ASCC3: variants seen among roughly 807,000 people sequenced by gnomAD.
ASCC3 encodes the protein activating signal cointegrator 1 complex subunit 3.
ASCC3 carries 158 observed loss-of-function variants against 256.3 expected under a neutral mutation model. The ratio of observed to expected loss-of-function variants is 0.62; its 90% CI spans 0.54 to 0.70. The LOEUF (loss-of-function observed/expected upper bound fraction) is 0.70, where lower values mean the gene tolerates loss of function less well. Ranked by LOEUF, ASCC3 falls within the 30% of genes least tolerant of loss-of-function variation. The probability of loss-of-function intolerance (pLI) is 0.00; values close to 1 mark genes in which losing one functional copy is unlikely to be tolerated. For synonymous variants in ASCC3, 948 were observed against 883.4 expected, an observed-to-expected ratio of 1.07 and a Z score of -1.30; for missense variants, 2,259 against 2,626.0, an observed-to-expected ratio of 0.86 and a Z score of 3.05.
At chr6:100,735,772 T>G (rs1381108953) in intron 10 of ASCC3, among the ~76,000 whole-genome samples, 1 of 152,154 alleles carries the variant, frequency 6.6e-6, no homozygotes, top group Non-Finnish European at 1.5e-5. Context: ...ATTATGCACT[T>G]TATATAAACA....
intron 37 of ASCC3, among the ~76,000 whole-genome samples, chr6:100,538,047 A>T (rs1775252819): frequency 6.6e-6 from 1 of 152,048 alleles, no homozygotes; most frequent in South Asian, 2.1e-4. Flanking sequence ...ATCATTATTG[A>T]CTGAGTGCTA....
chr6:100,848,417 G>A lies in ASCC3; in HGVS notation c.532C>T (p.His178Tyr), dbSNP rs776303921. 2 of 1,612,736 alleles carry A rather than the reference G, an allele frequency of 1.2e-6. No homozygotes were observed. The highest frequency in any genetic ancestry group is 2.2e-5 in the South Asian group (2 of 90,734). The change falls in exon 4 of 42, where the codon CAC becomes TAC. Residue 178 changes from histidine (H) to tyrosine (Y), a missense_variant. His to Tyr is a moderately conservative substitution (Grantham distance 83). Coordinates refer to ENST00000369162, the MANE Select transcript of ASCC3 (RefSeq NM_006828.4). ...AFSFDMHDLD[H>Y]FDELPINGET... ...CCATTTATTGGCAGTTCGTCAAAGT[G>A]GTCCAAATCATGCATGTCAAATGAA... is the stretch of plus-strand genomic sequence containing the variant.
chr6:100,687,708 C>CTT (rs1386658958), intron 13 of ASCC3, among the ~76,000 whole-genome samples: 6 of 151,896 alleles, frequency 4.0e-5, no homozygotes, highest in African/African-American at 1.5e-4. Context: ...TAGCAATGCA[C>CTT]TTAAAAGGGT....
At chr6:100,671,157 C>A (rs1299507013) in intron 14 of ASCC3, among the ~76,000 whole-genome samples, 1 of 151,876 alleles carries the variant, frequency 6.6e-6, no homozygotes, top group Non-Finnish European at 1.5e-5. Context: ...AATCTTTCCT[C>A]AAAAGAAATG....
At chr6:100,514,393 C>T (rs1773919861) in intron 39 of ASCC3, among the ~76,000 whole-genome samples, 1 of 152,110 alleles carries the variant, frequency 6.6e-6, no homozygotes, top group Non-Finnish European at 1.5e-5. Context: ...TCAGACAGCA[C>T]AAGTAACATT....
intron 30 of ASCC3, among the ~76,000 whole-genome samples, chr6:100,622,343 A>T (rs1049580100): frequency 6.6e-6 from 1 of 152,138 alleles, no homozygotes; most frequent in Non-Finnish European, 1.5e-5. Flanking sequence ...GAGAGTTCTC[A>T]CAAGATCTGA....
chr6:100,594,772 G>A (rs1471894137), intron 34 of ASCC3, among the ~76,000 whole-genome samples: 1 of 151,852 alleles, frequency 6.6e-6, no homozygotes, highest in Admixed American at 6.6e-5. Context: ...GCCAAGATAT[G>A]GAAACAATAT....
intron 4 of ASCC3, among the ~76,000 whole-genome samples, chr6:100,846,627 T>C (rs964710623): frequency 1.3e-5 from 2 of 152,184 alleles, no homozygotes; most frequent in African/African-American, 4.8e-5. Flanking sequence ...CTTTGCATCT[T>C]GCATGCTTGC....
intron 25 of ASCC3, among the ~76,000 whole-genome samples, chr6:100,633,107 T>C (rs1457055678): frequency 6.6e-6 from 1 of 152,234 alleles, no homozygotes; most frequent in Non-Finnish European, 1.5e-5. Flanking sequence ...CTTTCCACGC[T>C]TCCAATTACT....
Position 100,679,656 on chromosome 6 carries a change from G to GA in ASCC3, c.2247dup (p.Pro750SerfsTer6). 3 of 1,613,482 alleles carry GA rather than the reference G, an allele frequency of 1.9e-6. No homozygotes were observed. The highest frequency in any genetic ancestry group is 2.5e-6 in the Non-Finnish European group (3 of 1,179,678). ...AGTACATAGTCATGTCCTTGGGTAGGAAAAAAGAAGGGAATATGGCCACAA... is the reference window on the plus strand; with the variant it reads ...AGTACATAGTCATGTCCTTGGGTAGGAAAAAAAGAAGGGAATATGGCCACAA... On this transcript the variant is annotated frameshift_variant, in exon 14 of 42. Coordinates refer to ENST00000369162, the MANE Select transcript of ASCC3 (RefSeq NM_006828.4). LOFTEE classifies it high-confidence loss of function.
chr6:100,534,629 T>G (rs1775074480), intron 37 of ASCC3, among the ~76,000 whole-genome samples: 1 of 152,228 alleles, frequency 6.6e-6, no homozygotes, highest in Admixed American at 6.5e-5. Context: ...CATAGTAATT[T>G]TGACATTTAT....
At chr6:100,723,860 TTATATATATATATATATA>T (rs58924032) in intron 11 of ASCC3, among the ~76,000 whole-genome samples, 3,022 of 110,224 alleles carry the variant, frequency 0.027, 137 homozygotes, top group African/African-American at 0.093. Flanking sequence ...TATTAGGGAA[TTATATATATATATATATA>T]TATATATATA....
chr6:100,575,097 G>T (rs1396051059), intron 36 of ASCC3, among the ~76,000 whole-genome samples: 1 of 151,970 alleles, frequency 6.6e-6, no homozygotes. Flanking sequence ...AGTAGCAGAT[G>T]GGATCCTGTG....
rs764541540 is a variant in ASCC3, at chr6:100,606,720, T to C, written c.5044+20A>G. 9 of 1,586,238 alleles carry C rather than the reference T, an allele frequency of 5.7e-6. No homozygotes were observed. In the African/African-American group the frequency reaches 9.5e-5, roughly 17 times the overall value. On this transcript the variant is annotated intron_variant, in intron 32 of 41. Coordinates refer to ENST00000369162, the MANE Select transcript of ASCC3 (RefSeq NM_006828.4). Reference sequence around the variant, plus strand: ...GGTAAAATAGAGCTTCATGTATTTCTGTGAATTTAAGAAAATTACCTGTAA... The same window carrying C: ...GGTAAAATAGAGCTTCATGTATTTCCGTGAATTTAAGAAAATTACCTGTAA...
chr6:100,763,809 G>C (rs2115122986), intron 10 of ASCC3, among the ~76,000 whole-genome samples: 1 of 152,272 alleles, frequency 6.6e-6, no homozygotes, highest in South Asian at 2.1e-4. Flanking sequence ...TATTGGGGCT[G>C]CACTCTCATT....
intron 4 of ASCC3, among the ~76,000 whole-genome samples, chr6:100,824,287 AG>A (rs1771190959): frequency 6.6e-6 from 1 of 152,238 alleles, no homozygotes. Context: ...CAGGCTTTAA[AG>A]CAAATAAAAC....
chr6:100,699,576 A>G (rs527641046), intron 13 of ASCC3, among the ~76,000 whole-genome samples: 15 of 152,180 alleles, frequency 9.9e-5, no homozygotes, highest in African/African-American at 3.1e-4. Flanking sequence ...AAAATGTGCA[A>G]TGACTTTGGA....
chr6:100,788,749 C>T (rs974732934), intron 8 of ASCC3, among the ~76,000 whole-genome samples: 1 of 151,760 alleles, frequency 6.6e-6, no homozygotes, highest in African/African-American at 2.4e-5. Flanking sequence ...ACTTATATGA[C>T]GTATACATAA....
At chr6:100,527,707 T>C (rs547776476) in intron 37 of ASCC3, among the ~76,000 whole-genome samples, 1 of 152,168 alleles carries the variant, frequency 6.6e-6, no homozygotes, top group African/African-American at 2.4e-5. Flanking sequence ...AGTCATAATA[T>C]CTTTCACTTA....
Sources: gnomAD v4.1 joint callset for allele counts (sites outside exome capture counted in the v4.1 genomes callset) on GRCh38, gnomAD v4.1.1 for gene constraint, MANE v1.5 for transcripts, NCBI Gene and HGNC (gene_info 2026-07-23, HGNC 2026-07-21) for gene names.